The following FSHR variants were observed in gnomAD, a reference collection of about 807,000 sequenced individuals.
FSHR encodes follicle-stimulating hormone receptor.
FSHR carries 46 observed loss-of-function variants against 52.1 expected under a neutral mutation model. That is an observed-to-expected ratio of 0.88 (90% CI 0.70 to 1.13). The LOEUF is 1.13. FSHR is among the 50% of genes most tolerant of loss of function. The pLI, the probability that FSHR is intolerant of heterozygous loss-of-function variation, is 0.00. For missense variants in FSHR, 964 were observed against 834.6 expected (o/e 1.16, Z -1.91); for synonymous variants, 399 against 309.6 (o/e 1.29, Z -3.03).
chr2:49,055,172 G>A (rs188096673), intron 2 of FSHR, among the ~76,000 whole-genome samples: 14 of 151,602 alleles, frequency 9.2e-5, no homozygotes, highest in Non-Finnish European at 1.9e-4. Context: ...GAGAAAAGTG[G>A]CAAAGAGATA....
intron 6 of FSHR, among the ~76,000 whole-genome samples, chr2:48,985,114 GATGATGAC>G: frequency 1.0e-4 from 1 of 9,864 alleles, no homozygotes; most frequent in East Asian, 1.8e-3. Context: ...AGATGATGAC[GATGATGAC>G]GATGATGACG....
At chr2:49,094,911 A>G (rs1026045491) in intron 1 of FSHR, among the ~76,000 whole-genome samples, 8 of 152,078 alleles carry the variant, frequency 5.3e-5, no homozygotes, top group African/African-American at 1.9e-4. Flanking sequence ...TAGAATGACT[A>G]AGAAATGAAG....
At chr2:49,113,520 T>G (rs1671499263) in intron 1 of FSHR, among the ~76,000 whole-genome samples, 2 of 152,312 alleles carry the variant, frequency 1.3e-5, no homozygotes, top group African/African-American at 2.4e-5. Context: ...CTCAGCAGGT[T>G]AGGAAACAAG....
At chr2:49,031,533 A>T (rs1668102844) in intron 2 of FSHR, among the ~76,000 whole-genome samples, 1 of 152,214 alleles carries the variant, frequency 6.6e-6, no homozygotes, top group Non-Finnish European at 1.5e-5. Flanking sequence ...GCTAATTAAT[A>T]ATGGAACTGA....
chr2:49,128,818 A>T (rs1672158863), intron 1 of FSHR, among the ~76,000 whole-genome samples: 1 of 152,170 alleles, frequency 6.6e-6, no homozygotes, highest in African/African-American at 2.4e-5. Context: ...ACATGTGGAT[A>T]GGAAACTCCT....
chr2:49,075,441 A>C (rs751726804), intron 1 of FSHR, among the ~76,000 whole-genome samples: 5 of 111,890 alleles, frequency 4.5e-5, no homozygotes, highest in Non-Finnish European at 8.2e-5. Context: ...AATAACAATA[A>C]ACAAGATCAA....
At chr2:48,973,753 G>C (rs1367445753) in intron 8 of FSHR, among the ~76,000 whole-genome samples, 1 of 152,180 alleles carries the variant, frequency 6.6e-6, no homozygotes, top group Non-Finnish European at 1.5e-5. Context: ...GATATACTGG[G>C]GAGTGACATT....
intron 2 of FSHR, among the ~76,000 whole-genome samples, chr2:49,062,889 A>T (rs1669365830): frequency 6.6e-6 from 1 of 151,912 alleles, no homozygotes; most frequent in Admixed American, 6.6e-5. Context: ...TGGATATTAT[A>T]AAAAAAACAA....
At chr2:49,018,162 C>T (rs1227667606) in intron 3 of FSHR, among the ~76,000 whole-genome samples, 1 of 152,152 alleles carries the variant, frequency 6.6e-6, no homozygotes, top group Non-Finnish European at 1.5e-5. Context: ...TCCAAGCATA[C>T]AGTAGCTGGG....
chr2:49,097,248 T>C (rs1247880097), intron 1 of FSHR, among the ~76,000 whole-genome samples: 1 of 152,068 alleles, frequency 6.6e-6, no homozygotes, highest in Non-Finnish European at 1.5e-5. Flanking sequence ...TTTCTTTGAA[T>C]TTTTTTTCAT....
intron 4 of FSHR, among the ~76,000 whole-genome samples, chr2:49,008,790 T>C (rs200280706): frequency 0.092 from 13,288 of 144,842 alleles, 775 homozygotes; most frequent in East Asian, 0.18. Flanking sequence ...ATGATGAGCA[T>C]TTTTTCATGT....
intron 2 of FSHR, among the ~76,000 whole-genome samples, chr2:49,023,244 A>G (rs921553461): frequency 1.3e-5 from 2 of 151,916 alleles, no homozygotes; most frequent in African/African-American, 2.4e-5. Flanking sequence ...AATCACAACC[A>G]TGTTTTGTCG....
intron 1 of FSHR, among the ~76,000 whole-genome samples, chr2:49,094,761 G>C (rs1041835141): frequency 6.6e-6 from 1 of 151,706 alleles, no homozygotes; most frequent in African/African-American, 2.4e-5. Context: ...AGAAATTAGA[G>C]AAACAGAAGA....
chr2:49,142,209 T>TG (rs1191425701), intron 1 of FSHR, among the ~76,000 whole-genome samples: 29 of 152,184 alleles, frequency 1.9e-4, no homozygotes, highest in African/African-American at 6.0e-4. Flanking sequence ...TTTCTAGTGG[T>TG]GGGGAGGAAA....
chr2:49,026,289 G>C (rs929591463), intron 2 of FSHR, among the ~76,000 whole-genome samples: 2 of 152,170 alleles, frequency 1.3e-5, no homozygotes, highest in African/African-American at 4.8e-5. Context: ...TCTAAAATTT[G>C]ACATAATATA....
chr2:49,115,665 C>A (rs10495965), intron 1 of FSHR, among the ~76,000 whole-genome samples: 40,903 of 151,816 alleles, frequency 0.27, 5,906 homozygotes, highest in East Asian at 0.47. Context: ...TGTATCATGA[C>A]AAGGGTAAAG....
Position 49,013,475 on chromosome 2 carries a change from TATATAA to T in FSHR, c.374+4008_374+4013del, listed in dbSNP as rs1228196724. Among the ~76,000 whole-genome samples the T allele has an allele frequency of 1.0e-3, 128 of 127,856 alleles. 1 individual carries two copies. In the East Asian group the frequency reaches 0.013, roughly 13 times the overall value. The allele number at this position is 127,856 out of a possible 152,430, so 83.9% of individuals were successfully genotyped here. A position where few individuals can be genotyped will look rare whatever the true frequency, so the allele number is the denominator to read the frequency against. Reference sequence around the variant, plus strand: ...GAATATATATATAAATATATATATATATATAAATAAATATATATATATATAAATATA... The same window carrying T: ...GAATATATATATAAATATATATATATATAAATATATATATATATAAATATA... On this transcript the variant is annotated intron_variant, in intron 4 of 9. Coordinates refer to ENST00000406846, the MANE Select transcript of FSHR (RefSeq NM_000145.4).
intron 1 of FSHR, among the ~76,000 whole-genome samples, chr2:49,144,906 C>A (rs1381429783): frequency 3.9e-5 from 6 of 152,100 alleles, no homozygotes; most frequent in Non-Finnish European, 8.8e-5. Context: ...AAGGAAATTA[C>A]TTATAAGTTC....
chr2:49,127,643 A>G (rs1040044893), intron 1 of FSHR, among the ~76,000 whole-genome samples: 1 of 151,956 alleles, frequency 6.6e-6, no homozygotes, highest in African/African-American at 2.4e-5. Context: ...TCTCTGATAC[A>G]CACTCTCATC....
Sources: allele counts gnomAD v4.1 joint callset (sites outside exome capture counted in the v4.1 genomes callset), GRCh38; gene constraint gnomAD v4.1.1; transcripts MANE v1.5; gene names NCBI Gene and HGNC (gene_info 2026-07-23, HGNC 2026-07-21).